Variants in CHST9 observed in about 807,000 individuals in gnomAD.
The protein encoded by CHST9 is carbohydrate sulfotransferase 9.
Under a neutral mutation model 44.4 loss-of-function variants are expected in CHST9, and 41 were observed. The observed-to-expected ratio is 0.92, with a 90% CI of 0.72 to 1.20. The LOEUF is 1.20. Among genes scored for constraint, CHST9 ranks in the 50% most tolerant of loss-of-function variants. The pLI is 0.00. For synonymous variants in CHST9, 171 were observed against 178.4 expected (o/e 0.96, Z 0.33); for missense variants, 504 against 516.5 (o/e 0.98, Z 0.23).
rs758300128 is a variant in CHST9 at position 27,048,480 on chromosome 18, G to A, written c.145C>T (p.Gln49Ter). Residue 49 changes from glutamine (Q) to a stop codon, truncating the protein, a stop_gained, in exon 3 of 6, where the codon CAA becomes TAA. Coordinates refer to ENST00000618847, the MANE Select transcript of CHST9 (RefSeq NM_031422.6). LOFTEE classifies it high-confidence loss of function. ...HTGRVEKRRE[Q>*]KVTSGWGPVK... is the part of the protein sequence containing the mutation. ...AAAATCTTACCTGAAGTTACTTTTT[G>A]TTCTCTTCTCTTCTCCACTCTCCCT... 4 of 1,607,600 alleles carry A rather than the reference G, an allele frequency of 2.5e-6. No individual in the cohort carries two copies. Among genetic ancestry groups the A allele is most frequent in the Admixed American group, 1.7e-5 (1 of 59,300 alleles).
At chr18:27,102,780 T>C (rs2058186611) in intron 2 of CHST9, among the ~76,000 whole-genome samples, 1 of 152,202 alleles carries the variant, frequency 6.6e-6, no homozygotes, top group African/African-American at 2.4e-5. Context: ...ATCTGTCTAA[T>C]ATCTGTCTCT....
chr18:26,913,172 T>C lies in CHST9; in HGVS notation c.*3087A>G, dbSNP rs2055465173. On this transcript the variant is annotated 3_prime_UTR_variant, in exon 6 of 6. Transcript: ENST00000618847. ...GCTAAATACTATACATTTTAGGAGA[T>C]AAGAATAATAATACATCAATAAAAT... 1 of 152,220 alleles carries C rather than the reference T, an allele frequency of 6.6e-6. No homozygotes were observed. The highest frequency in any genetic ancestry group is 1.5e-5 in the Non-Finnish European group (1 of 68,028). The allele number at this position is 152,220 out of a possible 1,614,324, so 9.4% of individuals were successfully genotyped here.
chr18:27,136,839 G>A (rs2058516807), intron 2 of CHST9, among the ~76,000 whole-genome samples: 1 of 152,208 alleles, frequency 6.6e-6, no homozygotes, highest in African/African-American at 2.4e-5. Context: ...TATTTGGACA[G>A]ATTGTTGTAA....
Position 27,114,230 on chromosome 18 carries a change from T to C in CHST9, c.121+28459A>G, listed in dbSNP as rs77256428. On this transcript the variant is annotated intron_variant, in intron 2 of 5. Transcript: ENST00000618847. ...GACCCAATTATAACGACGGAATCTT[T>C]ATAAGTGAAAAAGAGTTGAAGTAAC... 4.0e-3 allele frequency among the ~76,000 whole-genome samples: 604 copies of C among 152,326 alleles called. 2 individuals are homozygous for C. The highest frequency in any genetic ancestry group is 6.8e-3 in the Middle Eastern group (2 of 294).
At chr18:26,972,131 C>T (rs549969460) in intron 4 of CHST9, among the ~76,000 whole-genome samples, 2 of 151,744 alleles carry the variant, frequency 1.3e-5, no homozygotes, top group African/African-American at 2.4e-5. Flanking sequence ...CCGAGGCGGG[C>T]GGATCACTTG....
intron 1 of CHST9, among the ~76,000 whole-genome samples, chr18:27,168,707 G>C (rs924083734): frequency 1.3e-5 from 2 of 152,128 alleles, no homozygotes; most frequent in Non-Finnish European, 2.9e-5. Flanking sequence ...AGAATTATGA[G>C]AGAAACCTCA....
chr18:26,990,508 AC>A (rs1326739907), intron 4 of CHST9, among the ~76,000 whole-genome samples: 1 of 152,232 alleles, frequency 6.6e-6, no homozygotes, highest in East Asian at 1.9e-4. Context: ...TATGTGTTTC[AC>A]TTCCAAAAAT....
intron 1 of CHST9, among the ~76,000 whole-genome samples, chr18:27,166,060 A>G (rs2058787831): frequency 6.6e-6 from 1 of 152,150 alleles, no homozygotes; most frequent in African/African-American, 2.4e-5. Flanking sequence ...TCAACCTTTA[A>G]CAAACTCATC....
At chr18:27,168,145 G>A (rs930436216) in intron 1 of CHST9, among the ~76,000 whole-genome samples, 1 of 150,212 alleles carries the variant, frequency 6.7e-6, no homozygotes, top group African/African-American at 2.5e-5. Context: ...CATGATCTCG[G>A]CTCACTGCAA....
At chr18:27,119,947 C>G (rs1251004092) in intron 2 of CHST9, among the ~76,000 whole-genome samples, 1 of 151,944 alleles carries the variant, frequency 6.6e-6, no homozygotes, top group Non-Finnish European at 1.5e-5. Flanking sequence ...CTATAAGTCA[C>G]ACAAGTAAAT....
At chr18:27,067,337 C>CTT (rs2057792632) in intron 2 of CHST9, among the ~76,000 whole-genome samples, 1 of 151,684 alleles carries the variant, frequency 6.6e-6, no homozygotes, top group Admixed American at 6.6e-5. Context: ...ATTTACAGGG[C>CTT]GATGCTTTCT....
intron 2 of CHST9, among the ~76,000 whole-genome samples, chr18:27,085,419 G>A (rs1474256378): frequency 6.6e-6 from 1 of 151,724 alleles, no homozygotes; most frequent in African/African-American, 2.4e-5. Context: ...TAAACAAATC[G>A]ACAACCAAAA....
intron 4 of CHST9, among the ~76,000 whole-genome samples, chr18:27,000,209 T>C (rs1219122789): frequency 6.6e-6 from 1 of 152,226 alleles, no homozygotes; most frequent in Non-Finnish European, 1.5e-5. Flanking sequence ...CTAACCATGC[T>C]CCTAGATTCA....
At position 27,081,854 on chromosome 18, in the gene CHST9, A is replaced by G. The variant is rs79532186; in HGVS notation, c.122-33351T>C. ...AGTGGAACTGCCTGAAAATAGTCAG[A>G]ATCCTGCTGAACTAAAACTTCCTGC... On this transcript the variant is annotated intron_variant, in intron 2 of 5. Coordinates refer to ENST00000618847, the MANE Select transcript of CHST9 (RefSeq NM_031422.6). 6.0e-3 allele frequency among the ~76,000 whole-genome samples: 920 copies of G among 152,302 alleles called. 14 individuals are homozygous for G. The highest frequency in any genetic ancestry group is 0.021 in the African/African-American group (874 of 41,568).
At chr18:27,158,831 T>C (rs2058720108) in intron 1 of CHST9, among the ~76,000 whole-genome samples, 1 of 152,126 alleles carries the variant, frequency 6.6e-6, no homozygotes, top group Non-Finnish European at 1.5e-5. Flanking sequence ...ATTGTGGTTT[T>C]GATTTGCATT....
chr18:26,966,551 T>C (rs1032186611), intron 4 of CHST9, among the ~76,000 whole-genome samples: 13 of 152,226 alleles, frequency 8.5e-5, no homozygotes, highest in African/African-American at 1.9e-4. Flanking sequence ...GAAATGATGA[T>C]ACTGGCTTGG....
At chr18:26,951,164 G>A (rs576780818) in intron 4 of CHST9, among the ~76,000 whole-genome samples, 25 of 152,250 alleles carry the variant, frequency 1.6e-4, no homozygotes, top group Middle Eastern at 3.4e-3. Flanking sequence ...ATGAGCTTCA[G>A]GAATAAAATT....
intron 1 of CHST9, among the ~76,000 whole-genome samples, chr18:27,160,118 T>C (rs568461766): frequency 4.1e-4 from 62 of 152,188 alleles, no homozygotes; most frequent in Non-Finnish European, 7.3e-4. Flanking sequence ...TCCTGCCTGA[T>C]TGCCCTGGCC....
At chr18:27,113,741 A>C (rs1197281595) in intron 2 of CHST9, among the ~76,000 whole-genome samples, 3 of 152,128 alleles carry the variant, frequency 2.0e-5, no homozygotes, top group Non-Finnish European at 1.5e-5. Context: ...ATGAGACATA[A>C]ATTTCTGTTG....
Sources: allele counts gnomAD v4.1 joint callset (sites outside exome capture counted in the v4.1 genomes callset), GRCh38; gene constraint gnomAD v4.1.1; transcripts MANE v1.5; gene names NCBI Gene and HGNC (gene_info 2026-07-23, HGNC 2026-07-21).